The following ENAM variants were observed in gnomAD, a reference collection of about 807,000 sequenced individuals.
ENAM encodes enamelin.
In ENAM, 21 loss-of-function variants were observed where a neutral mutation model predicts 33.6. That is an observed-to-expected ratio of 0.63 (90% CI 0.44 to 0.90). The LOEUF (loss-of-function observed/expected upper bound fraction) is 0.90, where lower values mean the gene tolerates loss of function less well. Ranked by LOEUF, ENAM falls within the 40% of genes least tolerant of loss-of-function variation. ENAM has a pLI of 0.00. For synonymous variants in ENAM, 473 were observed against 468.4 expected (o/e 1.01, Z -0.13); for missense variants, 1,388 against 1,366.9 (o/e 1.02, Z -0.24).
At chr4:70,635,651 A>C (rs1282470876) in intron 6 of ENAM, among the ~76,000 whole-genome samples, 181 bp from the exon 7 acceptor site, 1 of 152,210 alleles carries the variant, frequency 6.6e-6, no homozygotes, top group Non-Finnish European at 1.5e-5. Context: ...CAGAGCCTGG[A>C]ATGTGTGTCC....
At position 70,644,498 on chromosome 4, in the gene ENAM, T is replaced by C. The variant is rs138729240; in HGVS notation, c.3072T>C (p.Pro1024=). 2,198 of 1,614,120 alleles carry C rather than the reference T, an allele frequency of 1.4e-3. 12 individuals carry two copies. Among genetic ancestry groups the C allele is most frequent in the Middle Eastern group, 0.012 (74 of 6,062 alleles). ...LTPEQLVIGT[P]DEGSNPEGIQ... is the part of the protein sequence containing the mutation. ...CTGAGCAGCTTGTTATTGGTACACC[T>C]GATGAAGGCTCCAATCCAGAAGGCA... Residue 1024 remains proline, a synonymous_variant, in exon 9 of 9, where the codon CCT becomes CCC. Coordinates refer to ENST00000396073, the MANE Select transcript of ENAM (RefSeq NM_031889.3).
chr4:70,629,633 A>T, intron 2 of ENAM, 79 bp downstream of exon 2: 1 of 1,022,846 alleles, frequency 9.8e-7, no homozygotes, highest in Non-Finnish European at 1.6e-6. Context: ...TGAGAGGGCC[A>T]AACACTACTG....
chr4:70,642,759 G>A lies in ENAM; in HGVS notation c.1333G>A (p.Glu445Lys). Residue 445 changes from glutamate to lysine, a missense_variant, in exon 9 of 9, where the codon GAA becomes AAA. By Grantham distance (56) the Glu-to-Lys change is moderately conservative. Coordinates refer to ENST00000396073, the MANE Select transcript of ENAM (RefSeq NM_031889.3). ...AAAGGAGAAGCCCCTGGGTCCAAAA[G>A]AACAAATAATAGTTCCTACAAAGAA... ...NPKEKPLGPK[E>K]QIIVPTKNPT... 6.2e-7 allele frequency: 1 copy of A among 1,610,774 alleles called. No individual in the cohort carries two copies. Among genetic ancestry groups the A allele is most frequent in the Non-Finnish European group, 8.5e-7 (1 of 1,179,018 alleles).
At position 70,644,908 on chromosome 4, in the gene ENAM, C is replaced by T; in HGVS notation, c.*53C>T. 1 of 1,491,350 alleles carries T rather than the reference C, an allele frequency of 6.7e-7. No individual in the cohort carries two copies. The allele number at this position is 1,491,350 out of a possible 1,614,324, so 92.4% of individuals were successfully genotyped here. On this transcript the variant is annotated 3_prime_UTR_variant, in exon 9 of 9. Transcript: ENST00000396073. ...AAAGAGAAATCACTGACATTCTATA[C>T]CAATGGTTCCCAAAATTTTTTCCCC...
At chr4:70,640,432 T>C (rs1013999913) in intron 8 of ENAM, among the ~76,000 whole-genome samples, 1 of 152,186 alleles carries the variant, frequency 6.6e-6, no homozygotes, top group African/African-American at 2.4e-5. Flanking sequence ...GAATAAGCCG[T>C]GTGCAAAGGC....
Position 70,642,236 on chromosome 4 carries a change from A to G in ENAM, c.810A>G (p.Thr270=). ...GSQGGNDTSP[T]GNSTPGLNTG... The stretch of plus-strand genomic sequence containing the variant: ...AGGGAGGAAATGACACCAGCCCCAC[A>G]GGAAACAGTACCCCAGGACTAAACA... Residue 270 remains threonine, a synonymous_variant, in exon 9 of 9, where the codon ACA becomes ACG. Transcript: ENST00000396073. 6.2e-7 allele frequency: 1 copy of G among 1,614,168 alleles called. No homozygotes were observed. The highest frequency in any genetic ancestry group is 8.5e-7 in the Non-Finnish European group (1 of 1,180,018).
Position 70,643,833 on chromosome 4 carries a change from C to T in ENAM, c.2407C>T (p.Gln803Ter). 1 of 1,614,144 alleles carries T rather than the reference C, an allele frequency of 6.2e-7. No homozygotes were observed. The highest frequency in any genetic ancestry group is 8.5e-7 in the Non-Finnish European group (1 of 1,180,028). The change falls in exon 9 of 9, where the codon CAG becomes TAG. Residue 803 changes from glutamine (Q) to a stop codon, truncating the protein, a stop_gained. Coordinates refer to ENST00000396073, the MANE Select transcript of ENAM (RefSeq NM_031889.3). LOFTEE classifies it low-confidence loss of function (END_TRUNC). ...LQKAPARPPD[Q>*]KGNQPYYSNT... ...AAAAGCCCCAGCTAGGCCACCAGAC[C>T]AGAAAGGTAACCAGCCCTATTACAG... is the stretch of plus-strand genomic sequence containing the variant.
At chr4:70,639,129 C>T (rs1337630880) in intron 8 of ENAM, among the ~76,000 whole-genome samples, 4 of 151,882 alleles carry the variant, frequency 2.6e-5, no homozygotes, top group South Asian at 2.1e-4. Context: ...TGAAGATTAC[C>T]GTGTCAGTAA....
At chr4:70,631,324 G>T (rs879870843) in intron 2 of ENAM, among the ~76,000 whole-genome samples, 11 of 151,872 alleles carry the variant, frequency 7.2e-5, no homozygotes, top group Non-Finnish European at 1.5e-4. Flanking sequence ...TTCCTATTTG[G>T]GGGATAACCT....
chr4:70,643,764 C>T lies in ENAM; in HGVS notation c.2338C>T (p.Pro780Ser). The change falls in exon 9 of 9, where the codon CCG (proline) becomes TCG (serine). Residue 780 changes from proline (P) to serine (S), a missense_variant. Transcript: ENST00000396073. Reference protein sequence around the residue: ...IQAQGQRERRPYFNRNIWDQA... With the variant: ...IQAQGQRERRSYFNRNIWDQA... ...AGCCCAAGGGCAGAGAGAAAGAAGG[C>T]CGTATTTTAACAGAAATATCTGGGA... 2 of 1,614,122 alleles carry T rather than the reference C, an allele frequency of 1.2e-6. No individual in the cohort carries two copies. The highest frequency in any genetic ancestry group is 1.7e-6 in the Non-Finnish European group (2 of 1,180,004).
chr4:70,645,727 C>T lies in ENAM; in HGVS notation c.*872C>T, dbSNP rs1738743590. ...AAATCGTACCCTAAATTTTTCTTGACCCAGCTTAACCATCATTACAGAATA... is the reference window on the plus strand; with the variant it reads ...AAATCGTACCCTAAATTTTTCTTGATCCAGCTTAACCATCATTACAGAATA... On this transcript the variant is annotated 3_prime_UTR_variant, in exon 9 of 9. Coordinates refer to ENST00000396073, the MANE Select transcript of ENAM (RefSeq NM_031889.3). 6.6e-6 allele frequency: 1 copy of T among 152,158 alleles called. No homozygotes were observed. The highest frequency in any genetic ancestry group is 1.5e-5 in the Non-Finnish European group (1 of 68,050). 9.4% of individuals were successfully genotyped at this position (152,158 alleles called of 1,614,324 possible).
chr4:70,635,680 T>C (rs1363029899), intron 6 of ENAM, 152 bp from the exon 7 acceptor site: 2 of 636,042 alleles, frequency 3.1e-6, no homozygotes, highest in African/African-American at 1.8e-5. Context: ...TAATTGTTAT[T>C]ATCATTATCG....
chr4:70,634,290 T>A lies in ENAM; in HGVS notation c.211-18T>A, dbSNP rs759545856. 1 of 1,613,290 alleles carries A rather than the reference T, an allele frequency of 6.2e-7. No homozygotes were observed. Among genetic ancestry groups the A allele is most frequent in the Non-Finnish European group, 8.5e-7 (1 of 1,179,532 alleles). On this transcript the variant is annotated intron_variant, in intron 5 of 8. Coordinates refer to ENST00000396073, the MANE Select transcript of ENAM (RefSeq NM_031889.3). ...CACAGCTCTATTATGATTTCACTAT[T>A]ATTTGCTACCCTTTCAGATGGCACA... is the stretch of plus-strand genomic sequence containing the variant.
rs201679733 is a variant in ENAM at position 70,644,675 on chromosome 4, T to C, written c.3249T>C (p.Asp1083=). The change falls in exon 9 of 9, where the codon GAT becomes GAC. Residue 1083 remains aspartate, a synonymous_variant. Transcript: ENST00000396073. The part of the protein sequence containing the change: ...PSSDGRQSPF[D]GDSITPTENP... ...GCGATGGAAGGCAAAGCCCATTTGA[T>C]GGGGATTCAATTACGCCTACTGAAA... The C allele has an allele frequency of 2.5e-6, 4 of 1,614,182 alleles. No individual in the cohort carries two copies. Among genetic ancestry groups the C allele is most frequent in the East Asian group, 2.2e-5 (1 of 44,884 alleles).
chr4:70,631,368 A>G (rs974287226), intron 2 of ENAM, among the ~76,000 whole-genome samples: 3 of 151,772 alleles, frequency 2.0e-5, no homozygotes, highest in Admixed American at 6.6e-5. Flanking sequence ...TGGTGCTATG[A>G]TATCTCTCTC....
chr4:70,633,032 A>G (rs530881812), intron 5 of ENAM, among the ~76,000 whole-genome samples: 71 of 152,088 alleles, frequency 4.7e-4, no homozygotes, highest in Admixed American at 1.3e-3. Context: ...CATAGTAAGT[A>G]TTGGTGGGGG....
At chr4:70,635,306 G>A (rs550560386) in intron 6 of ENAM, among the ~76,000 whole-genome samples, 2 of 152,300 alleles carry the variant, frequency 1.3e-5, no homozygotes, top group South Asian at 4.2e-4. Context: ...GAACCCGGGA[G>A]GTGGAGGTTG....
Position 70,634,446 on chromosome 4 carries a change from G to T in ENAM, c.349G>T (p.Asp117Tyr), listed in dbSNP as rs370811268. The T allele has an allele frequency of 1.2e-6, 2 of 1,613,956 alleles. No homozygotes were observed. The highest frequency in any genetic ancestry group is 1.7e-6 in the Non-Finnish European group (2 of 1,180,008). Residue 117 changes from aspartate (D) to tyrosine (Y), a missense_variant, in exon 6 of 9, where the codon GAT becomes TAT. Coordinates refer to ENST00000396073, the MANE Select transcript of ENAM (RefSeq NM_031889.3). ...SSAPKRHNKT[D>Y]QTQETQKPNQ... ...AGCACCCAAACGTCATAACAAGACT[G>T]ATCAGACCCAAGAAACCCAGAAACC...
chr4:70,630,698 A>T (rs139841841), intron 2 of ENAM, among the ~76,000 whole-genome samples: 1 of 151,724 alleles, frequency 6.6e-6, no homozygotes, highest in South Asian at 2.1e-4. Flanking sequence ...TATTCTGCCT[A>T]TTTCCTATTT....
Sources: gnomAD v4.1 joint callset for allele counts (sites outside exome capture counted in the v4.1 genomes callset) on GRCh38, gnomAD v4.1.1 for gene constraint, MANE v1.5 for transcripts, NCBI Gene and HGNC (gene_info 2026-07-23, HGNC 2026-07-21) for gene names.